The following CDK5RAP2 variants were observed in gnomAD, a reference collection of about 807,000 sequenced individuals.
CDK5RAP2 encodes CDK5 regulatory subunit-associated protein 2.
CDK5RAP2 carries 147 observed loss-of-function variants against 232.9 expected under a neutral mutation model. The ratio of observed to expected loss-of-function variants is 0.63; its 90% confidence interval spans 0.55 to 0.72. The LOEUF is 0.72. CDK5RAP2 is among the 30% of genes least tolerant of loss of function. CDK5RAP2 has a pLI of 0.00. For synonymous variants in CDK5RAP2, 833 were observed against 833.7 expected (o/e 1.00, Z 0.01); for missense variants, 2,195 against 2,231.5 (o/e 0.98, Z 0.33).
rs1355293180 is a variant in CDK5RAP2 at position 120,403,187 on chromosome 9, A to AC, written c.5042-117dup. ...GAAGAGGCCCTCGTGCCCAAATGCC[A>AC]CCCAACACAAGCCCAGAGGGGAAAA... On this transcript the variant is annotated intron_variant, in intron 33 of 37. Coordinates refer to ENST00000349780, the MANE Select transcript of CDK5RAP2 (RefSeq NM_018249.6). This position sits in a 1 kb window ranked among gnomAD's most constrained non-coding sequence, Gnocchi z 4.2. The AC allele has an allele frequency of 9.8e-7, 1 of 1,020,872 alleles. No individual in the cohort carries two copies. The highest frequency in any genetic ancestry group is 1.6e-5 in the African/African-American group (1 of 63,180). 63.2% of individuals were successfully genotyped at this position (1,020,872 alleles called of 1,614,324 possible).
chr9:120,433,766 C>T (rs1252202062), intron 25 of CDK5RAP2, among the ~76,000 whole-genome samples: 1 of 152,142 alleles, frequency 6.6e-6, no homozygotes, highest in Non-Finnish European at 1.5e-5. Flanking sequence ...TGTCCAGAGA[C>T]CTGATTTAAA....
chr9:120,481,352 T>G (rs555081520), intron 14 of CDK5RAP2, among the ~76,000 whole-genome samples: 56 of 152,264 alleles, frequency 3.7e-4, no homozygotes, highest in African/African-American at 1.1e-3. Flanking sequence ...GTCAGCCAAA[T>G]AAAATAAGAA....
At chr9:120,440,184 C>T (rs773798253) in intron 23 of CDK5RAP2, 2 of 595,894 alleles carry the variant, frequency 3.4e-6, no homozygotes, top group Non-Finnish European at 3.0e-6. Flanking sequence ...TCCCTCTTTA[C>T]CCCTCAGTTG....
intron 25 of CDK5RAP2, among the ~76,000 whole-genome samples, chr9:120,429,954 C>T (rs1199666651): frequency 6.6e-6 from 1 of 152,132 alleles, no homozygotes; most frequent in Non-Finnish European, 1.5e-5. Context: ...AGAAATAATG[C>T]CGCATATCTA....
rs751786840 is a variant in CDK5RAP2, at chr9:120,402,976, C to T, written c.5137G>A (p.Val1713Ile). 6.2e-7 allele frequency: 1 copy of T among 1,614,148 alleles called. No homozygotes were observed. The highest frequency in any genetic ancestry group is 1.1e-5 in the South Asian group (1 of 91,074). ...ATSTPCVSRLVTGHHLWASKN... is the reference protein window; with the variant it reads ...ATSTPCVSRLITGHHLWASKN... ...CTGGCCCACAGGTGGTGGCCAGTGA[C>T]CAGGCGGGACACACACGGAGTGCTA... Residue 1713 changes from valine to isoleucine, a missense_variant, in exon 34 of 38, where the codon GTC (valine) becomes ATC (isoleucine). Transcript: ENST00000349780.
chr9:120,507,926 AAAAAAAAAAAAAAAAAATATATATATAT>A (rs1430281830), intron 12 of CDK5RAP2, among the ~76,000 whole-genome samples: 16 of 68,446 alleles, frequency 2.3e-4, no homozygotes, highest in African/African-American at 7.1e-4. Flanking sequence ...AAAAAAAAAA[AAAAAAAAAAAAAAAAAATATATATATAT>A]ATATATATAT....
At position 120,390,241 on chromosome 9, in the gene CDK5RAP2, C is replaced by A. The variant is rs995866408; in HGVS notation, c.5579-454G>T. On this transcript the variant is annotated intron_variant, in intron 36 of 37. Transcript: ENST00000349780. ...GGGAAGGGACTGTGCCCCGATCAGG[C>A]AGACCCACATATGAGGGTCCAAGTT... is the stretch of plus-strand genomic sequence containing the variant. The A allele has an allele frequency of 3.5e-5, 6 of 170,636 alleles. 1 individual carries two copies. The South Asian group carries it at 9.2e-4, about 26-fold the overall frequency. The allele number at this position is 170,636 out of a possible 1,614,324, so 10.6% of individuals were successfully genotyped here. A position where few individuals can be genotyped will look rare whatever the true frequency, so the allele number is the denominator to read the frequency against.
At chr9:120,492,024 T>C (rs931453772) in intron 12 of CDK5RAP2, among the ~76,000 whole-genome samples, 19 of 152,054 alleles carry the variant, frequency 1.2e-4, no homozygotes, top group African/African-American at 4.3e-4. Context: ...AAAAAAACTG[T>C]CTTAATACCA....
At chr9:120,432,149 A>G (rs888377579) in intron 25 of CDK5RAP2, among the ~76,000 whole-genome samples, 1 of 152,236 alleles carries the variant, frequency 6.6e-6, no homozygotes, top group East Asian at 1.9e-4. Context: ...AAATGGGAAC[A>G]ATCTGAATGT....
chr9:120,522,632 GT>G (rs974873758), intron 11 of CDK5RAP2, among the ~76,000 whole-genome samples: 2 of 152,044 alleles, frequency 1.3e-5, no homozygotes, highest in East Asian at 1.9e-4. Flanking sequence ...CAATTTGAAA[GT>G]TTTTTTTAAA....
At position 120,518,483 on chromosome 9, in the gene CDK5RAP2, C is replaced by G. The variant is rs1468328737; in HGVS notation, c.1255G>C (p.Glu419Gln). The change falls in exon 12 of 38, where the codon GAG becomes CAG. Residue 419 changes from glutamate (E) to glutamine (Q), a missense_variant. Glu to Gln is a conservative substitution (Grantham distance 29). Transcript: ENST00000349780. ...SDLQQERERL[E>Q]KDLEEAHREK... ...CGATGGGCTTCCTCCAGGTCCTTCT[C>G]CAGTCTCTCCCTCTCCTGCTGCAAG... The G allele has an allele frequency of 6.8e-6, 11 of 1,613,690 alleles. No homozygotes were observed. Among genetic ancestry groups the G allele is most frequent in the South Asian group, 1.1e-5 (1 of 91,000 alleles).
chr9:120,482,168 A>G (rs1316722067), intron 14 of CDK5RAP2, among the ~76,000 whole-genome samples: 1 of 151,986 alleles, frequency 6.6e-6, no homozygotes, highest in African/African-American at 2.4e-5. Context: ...AAGGTTGGGG[A>G]AAAAAAACAA....
chr9:120,419,944 A>G lies in CDK5RAP2; in HGVS notation c.4021T>C (p.Leu1341=). 2 of 1,613,936 alleles carry G rather than the reference A, an allele frequency of 1.2e-6. No individual in the cohort carries two copies. The highest frequency in any genetic ancestry group is 1.7e-6 in the Non-Finnish European group (2 of 1,179,790). ...ELMERIEEDN[L]TYQHLLPESP... is the part of the protein sequence containing the mutation. ...TCAGGCAGAAGATGTTGGTAGGTTA[A>G]GTTGTCTTCCTCAATCCTTAACCAT... The change falls in exon 27 of 38, where the codon TTA becomes CTA. Residue 1341 remains leucine (L), a synonymous_variant. Transcript: ENST00000349780.
intron 12 of CDK5RAP2, among the ~76,000 whole-genome samples, chr9:120,501,043 AG>A (rs796246199): frequency 3.7e-4 from 56 of 152,342 alleles, no homozygotes; most frequent in African/African-American, 1.1e-3. Context: ...CCATTGTTCC[AG>A]GCAAGGTGCT....
chr9:120,502,658 T>C (rs1461281964), intron 12 of CDK5RAP2, among the ~76,000 whole-genome samples: 1 of 152,142 alleles, frequency 6.6e-6, no homozygotes, highest in African/African-American at 2.4e-5. Context: ...GTTTTGTCAT[T>C]CCCCAAGATT....
intron 14 of CDK5RAP2, among the ~76,000 whole-genome samples, chr9:120,478,244 G>A (rs2038121571): frequency 6.6e-6 from 1 of 152,200 alleles, no homozygotes; most frequent in Admixed American, 6.5e-5. Context: ...TAAGGAACCA[G>A]GGATACCTGG....
intron 1 of CDK5RAP2, among the ~76,000 whole-genome samples, chr9:120,572,862 TACAA>T (rs1291277354): frequency 6.6e-6 from 1 of 152,236 alleles, no homozygotes; most frequent in African/African-American, 2.4e-5. Context: ...TACAGTGCTT[TACAA>T]TTTATAAAAG....
At chr9:120,512,297 T>C (rs1274450865) in intron 12 of CDK5RAP2, among the ~76,000 whole-genome samples, 1 of 152,190 alleles carries the variant, frequency 6.6e-6, no homozygotes, top group African/African-American at 2.4e-5. Flanking sequence ...TGCAGTGAGC[T>C]AGGATCGTGC....
intron 35 of CDK5RAP2, among the ~76,000 whole-genome samples, chr9:120,399,769 CA>C (rs552978733): frequency 2.6e-5 from 4 of 151,910 alleles, no homozygotes; most frequent in African/African-American, 9.7e-5. Context: ...AAACGTGGGC[CA>C]AAAAAAGATT....
Sources: allele counts gnomAD v4.1 joint callset (sites outside exome capture counted in the v4.1 genomes callset), GRCh38; gene constraint gnomAD v4.1.1; non-coding constraint Gnocchi (gnomAD v3.1); transcripts MANE v1.5; gene names NCBI Gene and HGNC (gene_info 2026-07-23, HGNC 2026-07-21).